MAGI2: variants seen among roughly 807,000 people sequenced by gnomAD.
The protein encoded by MAGI2 is membrane associated guanylate kinase, WW and PDZ domain containing 2.
Under a neutral mutation model 133.3 loss-of-function variants are expected in MAGI2, and 35 were observed. That is an observed-to-expected ratio of 0.26 (90% CI 0.20 to 0.35). The LOEUF (loss-of-function observed/expected upper bound fraction) is 0.35, where lower values mean the gene tolerates loss of function less well. Ranked by LOEUF, MAGI2 falls within the 10% of genes least tolerant of loss-of-function variation. MAGI2 has a pLI of 1.00. For missense variants in MAGI2, 1,636 were observed against 1,863.4 expected (o/e 0.88, Z 2.25); for synonymous variants, 729 against 710.6 (o/e 1.03, Z -0.41).
At chr7:78,943,082 G>A (rs73144961) in intron 2 of MAGI2, among the ~76,000 whole-genome samples, 3,085 of 152,122 alleles carry the variant, frequency 0.02, 49 homozygotes, top group Non-Finnish European at 0.032. Flanking sequence ...CTGGGTCTTA[G>A]TATACTAATT....
intron 2 of MAGI2, among the ~76,000 whole-genome samples, chr7:78,767,109 C>T (rs1195771368): frequency 1.3e-5 from 2 of 152,126 alleles, no homozygotes; most frequent in Non-Finnish European, 2.9e-5. Flanking sequence ...CCTGCCTCGG[C>T]CTCCCGAGTA....
intron 1 of MAGI2, among the ~76,000 whole-genome samples, chr7:79,123,434 T>C (rs1205204231): frequency 2.0e-5 from 3 of 152,106 alleles, no homozygotes; most frequent in African/African-American, 7.2e-5. Context: ...ATGCCTCAGT[T>C]TTCTCTTTTG....
At chr7:78,456,405 G>A (rs1789324541) in intron 6 of MAGI2, among the ~76,000 whole-genome samples, 1 of 152,028 alleles carries the variant, frequency 6.6e-6, no homozygotes, top group South Asian at 2.1e-4. Context: ...CTTGAGTAAA[G>A]TGGCATTTTT....
chr7:78,752,030 C>A (rs1420835338), intron 2 of MAGI2, among the ~76,000 whole-genome samples: 2 of 152,312 alleles, frequency 1.3e-5, no homozygotes, highest in South Asian at 2.1e-4. Flanking sequence ...CACAGGGAAA[C>A]AAGGTGAGTC....
In MAGI2 at chr7:78,549,262, T is replaced by C. The variant is rs181932701; in HGVS notation, c.539-27617A>G. ...TCCCAGCTAGGCTATGGTGTTCTCC[T>C]GTGGAACATCAATAGTTTCACAGAA... On this transcript the variant is annotated intron_variant, in intron 3 of 21. Transcript: ENST00000354212. Among the ~76,000 whole-genome samples, 512 of 152,254 alleles carry C rather than the reference T, an allele frequency of 3.4e-3. 1 individual carries two copies. The highest frequency in any genetic ancestry group is 0.011 in the African/African-American group (439 of 41,542).
In MAGI2 at chr7:78,754,964, C is replaced by T. The variant is rs570523480; in HGVS notation, c.419-127725G>A. ...TAATGTCCCTCATTGCTTTAGCATG[C>T]CTTTTTTCACCTTGACGGATGGTCT... On this transcript the variant is annotated intron_variant, in intron 2 of 21. Coordinates refer to ENST00000354212, the MANE Select transcript of MAGI2 (RefSeq NM_012301.4). Among the ~76,000 whole-genome samples the T allele has an allele frequency of 1.0e-3, 159 of 152,294 alleles. 1 individual carries two copies. Among genetic ancestry groups the T allele is most frequent in the African/African-American group, 3.5e-3 (145 of 41,570 alleles).
At chr7:78,132,269 G>A (rs759848576) in intron 18 of MAGI2, among the ~76,000 whole-genome samples, 7 of 152,166 alleles carry the variant, frequency 4.6e-5, no homozygotes, top group Non-Finnish European at 8.8e-5. Flanking sequence ...TTCAATGGAC[G>A]TCTGCAGCCA....
intron 21 of MAGI2, among the ~76,000 whole-genome samples, chr7:78,057,398 A>G (rs6974704): frequency 0.52 from 78,578 of 151,846 alleles, 21,034 homozygotes; most frequent in African/African-American, 0.66. Context: ...GCCCTCCACC[A>G]TGCCTGGCTA....
At chr7:78,437,764 A>G (rs1187328283) in intron 6 of MAGI2, among the ~76,000 whole-genome samples, 1 of 152,194 alleles carries the variant, frequency 6.6e-6, no homozygotes, top group East Asian at 1.9e-4. Context: ...GTGACATACC[A>G]TGGTCCACAG....
chr7:78,862,976 G>A (rs982210708), intron 2 of MAGI2, among the ~76,000 whole-genome samples: 1 of 152,196 alleles, frequency 6.6e-6, no homozygotes, highest in Non-Finnish European at 1.5e-5. Context: ...AATGCTAGAA[G>A]TAACAAACTG....
At chr7:79,088,184 AG>A (rs777004195) in intron 1 of MAGI2, among the ~76,000 whole-genome samples, 38 of 152,198 alleles carry the variant, frequency 2.5e-4, no homozygotes, top group Non-Finnish European at 2.1e-4. Context: ...AATAGTTAGT[AG>A]TTCTCCTTGA....
intron 20 of MAGI2, among the ~76,000 whole-genome samples, chr7:78,113,893 A>G (rs1819605434): frequency 6.6e-6 from 1 of 152,204 alleles, no homozygotes; most frequent in African/African-American, 2.4e-5. Context: ...CATTGATTAG[A>G]TCAGTAAAAT....
At chr7:78,115,019 G>A (rs1316735965) in intron 20 of MAGI2, among the ~76,000 whole-genome samples, 1 of 152,162 alleles carries the variant, frequency 6.6e-6, no homozygotes, top group Non-Finnish European at 1.5e-5. Flanking sequence ...ATGGCAATAT[G>A]GTGGATTAGA....
chr7:78,800,516 A>G (rs1311000656), intron 2 of MAGI2, among the ~76,000 whole-genome samples: 1 of 152,152 alleles, frequency 6.6e-6, no homozygotes, highest in African/African-American at 2.4e-5. Flanking sequence ...GAGAACATGA[A>G]TATTCCTTAT....
chr7:78,586,361 C>A (rs994619791), intron 3 of MAGI2, among the ~76,000 whole-genome samples: 3 of 151,850 alleles, frequency 2.0e-5, no homozygotes, highest in East Asian at 1.9e-4. Context: ...GAGTCCCCCC[C>A]AAACACCCCC....
chr7:78,327,730 T>C (rs1028281655), intron 9 of MAGI2, among the ~76,000 whole-genome samples: 12 of 152,176 alleles, frequency 7.9e-5, no homozygotes, highest in African/African-American at 2.9e-4. Flanking sequence ...AGTGGATGCA[T>C]CTATCTTGAA....
chr7:79,056,577 G>T (rs189188250), intron 1 of MAGI2, among the ~76,000 whole-genome samples: 34 of 152,210 alleles, frequency 2.2e-4, no homozygotes, highest in Admixed American at 3.9e-4. Context: ...GAGATAAAAA[G>T]TTCCTCAGAG....
At chr7:79,300,370 CAT>C (rs1464759239) in intron 1 of MAGI2, among the ~76,000 whole-genome samples, 1 of 152,174 alleles carries the variant, frequency 6.6e-6, no homozygotes, top group Admixed American at 6.5e-5. Flanking sequence ...ACAGGTCACA[CAT>C]GTGATGCCTT....
At chr7:78,939,327 G>A (rs995745820) in intron 2 of MAGI2, among the ~76,000 whole-genome samples, 4 of 152,162 alleles carry the variant, frequency 2.6e-5, no homozygotes, top group African/African-American at 9.7e-5. Flanking sequence ...CATCAGGAAA[G>A]TCTTCTTTGG....
Sources: allele counts gnomAD v4.1 joint callset (sites outside exome capture counted in the v4.1 genomes callset), GRCh38; gene constraint gnomAD v4.1.1; transcripts MANE v1.5; gene names NCBI Gene and HGNC (gene_info 2026-07-23, HGNC 2026-07-21).